The following APC variants were observed in gnomAD, a reference collection of about 807,000 sequenced individuals.
APC encodes the protein APC regulator of Wnt signaling pathway.
A neutral mutation model predicts 247.0 loss-of-function variants in APC; 72 were observed. That is an observed-to-expected ratio of 0.29 (90% CI 0.24 to 0.35). APC has a LOEUF of 0.35. Ranked by LOEUF, APC falls within the 10% of genes least tolerant of loss-of-function variation. APC has a pLI of 1.00. For synonymous variants in APC, 1,254 were observed against 1,162.5 expected (o/e 1.08, Z -1.60); for missense variants, 3,400 against 3,360.7 (o/e 1.01, Z -0.29).
At chr5:112,713,343 TGG>T (rs1750971462) in intron 1 of APC, among the ~76,000 whole-genome samples, 1 of 151,814 alleles carries the variant, frequency 6.6e-6, no homozygotes, top group Non-Finnish European at 1.5e-5. Context: ...TGGTTGCAGA[TGG>T]CTCTGCTCCA....
chr5:112,741,567 G>A (rs1191333161), intron 1 of APC, among the ~76,000 whole-genome samples: 2 of 152,038 alleles, frequency 1.3e-5, no homozygotes, highest in Non-Finnish European at 2.9e-5. Context: ...GCATCATTTT[G>A]TGAGTCTGTT....
chr5:112,725,311 T>A (rs1349078068), intron 1 of APC, among the ~76,000 whole-genome samples: 3 of 152,178 alleles, frequency 2.0e-5, no homozygotes, highest in Non-Finnish European at 4.4e-5. Context: ...GCAATTTTTT[T>A]AAAGGTATTC....
chr5:112,713,569 T>G (rs1033143143), intron 1 of APC, among the ~76,000 whole-genome samples: 3 of 152,192 alleles, frequency 2.0e-5, no homozygotes, highest in Non-Finnish European at 4.4e-5. Context: ...TCAATGACAG[T>G]ATTGTATGGA....
Position 112,839,541 on chromosome 5 carries a change from C to G in APC, c.3947C>G (p.Ala1316Gly), listed in dbSNP as rs2149902614. 6.2e-7 allele frequency: 1 copy of G among 1,614,182 alleles called. No individual in the cohort carries two copies. The highest frequency in any genetic ancestry group is 8.5e-7 in the Non-Finnish European group (1 of 1,180,030). The change falls in exon 16 of 16, where the codon GCT (alanine) becomes GGT (glycine). Residue 1316 changes from alanine to glycine, a missense_variant. Ala to Gly is a moderately conservative substitution (Grantham distance 60, BLOSUM62 0). Around this residue, in one of 9 missense-constraint regions of APC, gnomAD observed 715 missense variants for 656.6 expected, o/e 1.09. Transcript: ENST00000257430. The surrounding 1 kb of genome is among the most constrained non-coding windows in gnomAD (Gnocchi z 5.0). ...EIKEKIGTRS[A>G]EDPVSEVPAV... The stretch of plus-strand genomic sequence containing the variant: ...AAAGAAAAGATTGGAACTAGGTCAG[C>G]TGAAGATCCTGTGAGCGAAGTTCCA...
At chr5:112,825,747 A>G (rs971964779) in intron 11 of APC, among the ~76,000 whole-genome samples, 1 of 152,220 alleles carries the variant, frequency 6.6e-6, no homozygotes, top group Non-Finnish European at 1.5e-5. Context: ...CTTAAACATT[A>G]AAAGATTATT....
intron 7 of APC, among the ~76,000 whole-genome samples, chr5:112,793,451 A>G (rs1297316969): frequency 6.6e-6 from 1 of 151,948 alleles, no homozygotes; most frequent in Non-Finnish European, 1.5e-5. Context: ...GAGAAAAAAA[A>G]TCAGAAGAAT....
Position 112,840,559 on chromosome 5 carries a change from A to G in APC, c.4965A>G (p.Thr1655=), listed in dbSNP as rs863224282. 1.2e-6 allele frequency: 2 copies of G among 1,614,160 alleles called. No individual in the cohort carries two copies. Among genetic ancestry groups the G allele is most frequent in the Non-Finnish European group, 1.7e-6 (2 of 1,180,006 alleles). The part of the protein sequence containing the change: ...EGTPINFSTA[T]SLSDLTIESP... Reference sequence around the variant, plus strand: ...CACCTATAAACTTTTCCACAGCTACATCTCTAAGTGATCTAACAATCGAAT... The same window carrying G: ...CACCTATAAACTTTTCCACAGCTACGTCTCTAAGTGATCTAACAATCGAAT... Residue 1655 remains threonine, a synonymous_variant, in exon 16 of 16, where the codon ACA becomes ACG. Coordinates refer to ENST00000257430, the MANE Select transcript of APC (RefSeq NM_000038.6). The surrounding 1 kb of genome is among the most constrained non-coding windows in gnomAD (Gnocchi z 4.1).
Position 112,821,882 on chromosome 5 carries a change from AT to A in APC, c.1313-10del. On this transcript the variant is annotated splice_polypyrimidine_tract_variant and intron_variant, in intron 10 of 15. Transcript: ENST00000257430. ...TAACAAAGCATTATGGTTTATGTTG[AT>A]TTTATTTTTCAGTGCCAGCTCCTGT... The A allele has an allele frequency of 6.3e-7, 1 of 1,598,680 alleles. No individual in the cohort carries two copies. The highest frequency in any genetic ancestry group is 1.7e-5 in the Admixed American group (1 of 59,936).
At position 112,801,442 on chromosome 5, in the gene APC, G is replaced by C. The variant is rs955158011; in HGVS notation, c.834+59G>C. 13 of 1,238,506 alleles carry C rather than the reference G, an allele frequency of 1.0e-5. No homozygotes were observed. In the Admixed American group the frequency reaches 2.4e-4, roughly 23 times the overall value. 76.7% of individuals were successfully genotyped at this position (1,238,506 alleles called of 1,614,324 possible). A position where few individuals can be genotyped will look rare whatever the true frequency, so the allele number is the denominator to read the frequency against. On this transcript the variant is annotated intron_variant, in intron 8 of 15. Transcript: ENST00000257430. ...TATTTAAATATCAGAAAAGTATGAAGCAAGATGGTTCTAAGAATGATCTAT... is the reference window on the plus strand; with the variant it reads ...TATTTAAATATCAGAAAAGTATGAACCAAGATGGTTCTAAGAATGATCTAT...
Position 112,843,085 on chromosome 5 carries a change from G to A in APC, c.7491G>A (p.Ser2497=), listed in dbSNP as rs776327733. ...CTGATATGTCTCTATCCACACATTC[G>A]TCTGTTCAGGCTGGTGGATGGCGAA... The part of the protein sequence containing the change: ...SLPDMSLSTH[S]SVQAGGWRKL... The change falls in exon 16 of 16, where the codon TCG becomes TCA. Residue 2497 remains serine, a synonymous_variant. Transcript: ENST00000257430. The surrounding 1 kb of genome is among the most constrained non-coding windows in gnomAD (Gnocchi z 4.8). The A allele has an allele frequency of 1.1e-5, 18 of 1,613,854 alleles. No individual in the cohort carries two copies. Among genetic ancestry groups the A allele is most frequent in the Admixed American group, 3.3e-5 (2 of 59,986 alleles).
chr5:112,797,256 C>G (rs1446147532), intron 7 of APC, among the ~76,000 whole-genome samples: 3 of 151,164 alleles, frequency 2.0e-5, no homozygotes, highest in Non-Finnish European at 4.5e-5. Context: ...AGAACAAAAC[C>G]ACTTTTTACA....
intron 5 of APC, among the ~76,000 whole-genome samples, chr5:112,780,420 G>A (rs570747446): frequency 3.4e-4 from 51 of 152,228 alleles, no homozygotes; most frequent in Middle Eastern, 6.8e-3. Context: ...TGTTGTCCAC[G>A]TTAATATGCT....
chr5:112,737,524 T>A (rs1266753163), upstream of APC, among the ~76,000 whole-genome samples: 1 of 152,230 alleles, frequency 6.6e-6, no homozygotes, highest in Non-Finnish European at 1.5e-5. Flanking sequence ...GCAATCGAGA[T>A]GTAATTTATT....
chr5:112,828,640 G>A (rs1196954202), intron 13 of APC, among the ~76,000 whole-genome samples: 1 of 151,958 alleles, frequency 6.6e-6, no homozygotes, highest in Admixed American at 6.6e-5. Context: ...CATAGAGACA[G>A]GGTCTCACTG....
chr5:112,741,777 AT>A (rs1403527447), intron 1 of APC, among the ~76,000 whole-genome samples: 4 of 151,994 alleles, frequency 2.6e-5, no homozygotes, highest in African/African-American at 9.7e-5. Context: ...CTAACATGCC[AT>A]TTTCCCCTCC....
intron 1 of APC, among the ~76,000 whole-genome samples, chr5:112,713,199 A>AT (rs1419984660): frequency 6.6e-6 from 1 of 151,534 alleles, no homozygotes; most frequent in Non-Finnish European, 1.5e-5. Flanking sequence ...AGTATCTCAC[A>AT]TAAAAAGTCC....
intron 1 of APC, among the ~76,000 whole-genome samples, chr5:112,728,666 T>C (rs1009976561): frequency 6.6e-6 from 1 of 152,072 alleles, no homozygotes; most frequent in African/African-American, 2.4e-5. Context: ...GTCAACATCA[T>C]AGAATTTATA....
At chr5:112,831,393 T>C (rs1473972961) in intron 14 of APC, among the ~76,000 whole-genome samples, 2 of 152,184 alleles carry the variant, frequency 1.3e-5, no homozygotes, top group African/African-American at 4.8e-5. Context: ...AGGCATGATA[T>C]AATGCATGGT....
In APC at chr5:112,767,065, C is replaced by T. The variant is rs747888509; in HGVS notation, c.221-124C>T. 2.7e-4 allele frequency: 242 copies of T among 903,826 alleles called. 1 individual carries two copies. Among genetic ancestry groups the T allele is most frequent in the South Asian group, 1.1e-3 (70 of 61,980 alleles). The allele number at this position is 903,826 out of a possible 1,614,324, so 56.0% of individuals were successfully genotyped here. A position where few individuals can be genotyped will look rare whatever the true frequency, so the allele number is the denominator to read the frequency against. On this transcript the variant is annotated intron_variant, in intron 3 of 15. Transcript: ENST00000257430. ...GAAAGTCCTAAATAATTTTTGTTTT[C>T]AGTCATGTATATTTGTGGTTAAAAT...
Sources: allele counts gnomAD v4.1 joint callset (sites outside exome capture counted in the v4.1 genomes callset), GRCh38; gene constraint gnomAD v4.1.1; regional missense constraint gnomAD v4.1.1; non-coding constraint Gnocchi (gnomAD v3.1); transcripts MANE v1.5; gene names NCBI Gene and HGNC (gene_info 2026-07-23, HGNC 2026-07-21).